Variants in PDE4B observed in about 807,000 individuals in gnomAD.
The protein encoded by PDE4B is 3',5'-cyclic-AMP phosphodiesterase 4B.
PDE4B carries 20 observed loss-of-function variants against 82.2 expected under a neutral mutation model. The observed-to-expected ratio is 0.24, with a 90% CI of 0.17 to 0.35. PDE4B has a LOEUF of 0.35. Among genes scored for constraint, PDE4B ranks in the 10% least tolerant of loss-of-function variants. The probability of loss-of-function intolerance (pLI) is 1.00; values close to 1 mark genes in which losing one functional copy is unlikely to be tolerated. For missense variants in PDE4B, 655 were observed against 907.2 expected, an observed-to-expected ratio of 0.72 and a Z score of 3.57; for synonymous variants, 320 against 318.9, an observed-to-expected ratio of 1.00 and a Z score of -0.04.
chr1:66,018,462 T>A (rs549015807), intron 3 of PDE4B, among the ~76,000 whole-genome samples: 13 of 152,298 alleles, frequency 8.5e-5, no homozygotes, highest in African/African-American at 3.1e-4. Flanking sequence ...GTATGTGGTT[T>A]TGACTTTTAT....
At chr1:66,244,279 G>T (rs1653123480) in intron 3 of PDE4B, among the ~76,000 whole-genome samples, 1 of 152,110 alleles carries the variant, frequency 6.6e-6, no homozygotes. Context: ...TGCTAGTAAT[G>T]ATGTTGTTCT....
rs1054019708 is a variant in PDE4B, at chr1:66,342,325, A to G, written c.747+9705A>G. ...AAGAAAATTCCTTAGTATATAATGTAAGAAATTAAAAGAAAATTTCGAATT... is the reference window on the plus strand; with the variant it reads ...AAGAAAATTCCTTAGTATATAATGTGAGAAATTAAAAGAAAATTTCGAATT... On this transcript the variant is annotated intron_variant, in intron 8 of 16. Transcript: ENST00000341517. Among the ~76,000 whole-genome samples the G allele has an allele frequency of 5.9e-5, 9 of 152,292 alleles. 3 individuals carry two copies. Among genetic ancestry groups the G allele is most frequent in the Admixed American group, 6.5e-5 (1 of 15,308 alleles).
At position 65,987,805 on chromosome 1, in the gene PDE4B, G is replaced by A. The variant is rs147974129; in HGVS notation, c.281+68970G>A. 3.1e-4 allele frequency among the ~76,000 whole-genome samples: 47 copies of A among 152,194 alleles called. 1 individual carries two copies. Among genetic ancestry groups the A allele is most frequent in the African/African-American group, 1.1e-3 (44 of 41,538 alleles). ...TTTTTGTATTTTTTAGTAGAGGCGGGGTTTCACCATGTTGGCCAGGCTAGT... is the reference window on the plus strand; with the variant it reads ...TTTTTGTATTTTTTAGTAGAGGCGGAGTTTCACCATGTTGGCCAGGCTAGT... On this transcript the variant is annotated intron_variant, in intron 3 of 16. Transcript: ENST00000341517.
rs139120528 is a variant in PDE4B, at chr1:65,850,954, A to G, written c.-71+57706A>G. 4.3e-3 allele frequency among the ~76,000 whole-genome samples: 657 copies of G among 152,274 alleles called. 7 individuals carry two copies. Among genetic ancestry groups the G allele is most frequent in the African/African-American group, 0.013 (525 of 41,566 alleles). ...GCTTTCACATTTAGGTCTGTGATCC[A>G]TTTCAGATTAATTTTTTGTATGAAG... is the stretch of plus-strand genomic sequence containing the variant. On this transcript the variant is annotated intron_variant, in intron 1 of 16. Transcript: ENST00000341517.
At chr1:65,918,903 A>G in intron 3 of PDE4B, 68 bp downstream of exon 3, 4 of 980,810 alleles carry the variant, frequency 4.1e-6, no homozygotes, top group Non-Finnish European at 6.6e-6. Flanking sequence ...ATACAATTTC[A>G]TAGTATTAAA....
intron 3 of PDE4B, among the ~76,000 whole-genome samples, chr1:66,083,441 T>G (rs1656843891): frequency 6.6e-6 from 1 of 152,080 alleles, no homozygotes; most frequent in South Asian, 2.1e-4. Flanking sequence ...AACCTTTGAG[T>G]GCTTAAGGGG....
At chr1:66,140,387 C>A (rs1048395279) in intron 3 of PDE4B, among the ~76,000 whole-genome samples, 1 of 152,058 alleles carries the variant, frequency 6.6e-6, no homozygotes, top group Non-Finnish European at 1.5e-5. Flanking sequence ...TTTACAACTA[C>A]AAATTAAATG....
At chr1:66,351,920 C>T (rs980529718) in intron 8 of PDE4B, among the ~76,000 whole-genome samples, 5 of 152,182 alleles carry the variant, frequency 3.3e-5, no homozygotes, top group African/African-American at 7.2e-5. Flanking sequence ...CACAGTTAAA[C>T]ACTAGTCATA....
At chr1:65,935,042 A>G (rs1360434585) in intron 3 of PDE4B, among the ~76,000 whole-genome samples, 1 of 152,204 alleles carries the variant, frequency 6.6e-6, no homozygotes, top group Non-Finnish European at 1.5e-5. Context: ...TATTCATCTC[A>G]TAGCTGCAGA....
chr1:66,087,060 A>T lies in PDE4B; in HGVS notation c.282-160400A>T, dbSNP rs1339160226. Among the ~76,000 whole-genome samples the T allele has an allele frequency of 2.0e-5, 3 of 152,128 alleles. No homozygotes were observed. In the East Asian group the frequency reaches 5.8e-4, roughly 29 times the overall value. On this transcript the variant is annotated intron_variant, in intron 3 of 16. Coordinates refer to ENST00000341517, the MANE Select transcript of PDE4B (RefSeq NM_002600.4). ...TGGCATGTTCAGAGACTAGTGGATA[A>T]GTCTGTACCTGTTCTTTATATTCAC...
intron 4 of PDE4B, among the ~76,000 whole-genome samples, chr1:66,250,022 T>C (rs1024948205): frequency 3.3e-5 from 5 of 152,386 alleles, no homozygotes; most frequent in African/African-American, 1.2e-4. Context: ...CGCTGAGAAG[T>C]AGAGTTTGAA....
intron 3 of PDE4B, among the ~76,000 whole-genome samples, chr1:65,941,945 C>T (rs979509667): frequency 3.9e-5 from 6 of 152,080 alleles, no homozygotes; most frequent in East Asian, 1.9e-4. Flanking sequence ...CACCTTCCTG[C>T]GATAGTCTCT....
chr1:65,990,713 C>T (rs1651198133), intron 3 of PDE4B, among the ~76,000 whole-genome samples: 1 of 152,016 alleles, frequency 6.6e-6, no homozygotes, highest in Admixed American at 6.6e-5. Flanking sequence ...ATCAAAAAAC[C>T]TGGGTTTTAG....
intron 8 of PDE4B, among the ~76,000 whole-genome samples, chr1:66,351,185 A>AG (rs1382044827): frequency 1.3e-5 from 2 of 152,316 alleles, no homozygotes; most frequent in Middle Eastern, 3.4e-3. Flanking sequence ...TGTGTTGAAA[A>AG]GGGGCATTGG....
At chr1:66,350,157 C>CG (rs1661714131) in intron 8 of PDE4B, among the ~76,000 whole-genome samples, 2 of 152,000 alleles carry the variant, frequency 1.3e-5, no homozygotes, top group South Asian at 2.1e-4. Context: ...TCCTGATGCC[C>CG]GGGAATTCTT....
intron 3 of PDE4B, among the ~76,000 whole-genome samples, chr1:66,196,119 T>G (rs1407762265): frequency 6.6e-6 from 1 of 152,176 alleles, no homozygotes; most frequent in Non-Finnish European, 1.5e-5. Context: ...TGTATTGCTT[T>G]TTGAGGAATT....
At chr1:65,977,979 C>T (rs1043815864) in intron 3 of PDE4B, among the ~76,000 whole-genome samples, 10 of 151,236 alleles carry the variant, frequency 6.6e-5, no homozygotes, top group Admixed American at 3.9e-4. Flanking sequence ...TGCCAGATTG[C>T]GTTGTAAATG....
chr1:66,238,583 A>T (rs1361225880), intron 3 of PDE4B, among the ~76,000 whole-genome samples: 1 of 152,158 alleles, frequency 6.6e-6, no homozygotes, highest in African/African-American at 2.4e-5. Context: ...TACACAAAAC[A>T]GTACAGTTTC....
rs139154628 is a variant in PDE4B, at chr1:65,807,386, A to G, written c.-71+14138A>G. On this transcript the variant is annotated intron_variant, in intron 1 of 16. Coordinates refer to ENST00000341517, the MANE Select transcript of PDE4B (RefSeq NM_002600.4). ...TTGTATTCTATTGAATAAGTGTACT[A>G]TGCTTTATTGAATCCATTCTCTAAT... is the stretch of plus-strand genomic sequence containing the variant. Among the ~76,000 whole-genome samples the G allele has an allele frequency of 4.1e-3, 625 of 152,344 alleles. 5 individuals carry two copies. The highest frequency in any genetic ancestry group is 0.015 in the African/African-American group (609 of 41,582).
Sources: gnomAD v4.1 joint callset for allele counts (sites outside exome capture counted in the v4.1 genomes callset) on GRCh38, gnomAD v4.1.1 for gene constraint, MANE v1.5 for transcripts, NCBI Gene and HGNC (gene_info 2026-07-23, HGNC 2026-07-21) for gene names.